Variants in TECRL observed in about 807,000 individuals in gnomAD.
TECRL encodes the protein trans-2,3-enoyl-CoA reductase-like.
A neutral mutation model predicts 52.8 loss-of-function variants in TECRL; 63 were observed. That is an observed-to-expected ratio of 1.19 (90% confidence interval 0.97 to 1.47). The LOEUF (loss-of-function observed/expected upper bound fraction) is 1.47. Ranked by LOEUF, TECRL falls within the 40% of genes most tolerant of loss-of-function variation. TECRL has a pLI of 0.00. For synonymous variants in TECRL, 164 were observed against 141.9 expected (o/e 1.16, Z -1.10); for missense variants, 482 against 429.6 (o/e 1.12, Z -1.08).
intron 4 of TECRL, among the ~76,000 whole-genome samples, chr4:64,319,420 A>G (rs561595211): frequency 1.4e-4 from 21 of 152,014 alleles, no homozygotes; most frequent in Non-Finnish European, 4.4e-5. Context: ...TGAAAGTAAA[A>G]GCATAATCTT....
intron 2 of TECRL, among the ~76,000 whole-genome samples, chr4:64,370,299 G>A (rs548167122): frequency 2.1e-4 from 32 of 151,794 alleles, no homozygotes; most frequent in African/African-American, 7.0e-4. Flanking sequence ...AAACTTTGTA[G>A]GTTTTAGAAA....
At chr4:64,349,833 A>G (rs1277050625) in intron 2 of TECRL, among the ~76,000 whole-genome samples, 2 of 152,206 alleles carry the variant, frequency 1.3e-5, no homozygotes, top group African/African-American at 2.4e-5. Context: ...ACTATACATC[A>G]AAAATAATAA....
intron 1 of TECRL, among the ~76,000 whole-genome samples, chr4:64,391,000 G>T (rs1723511575): frequency 6.6e-6 from 1 of 151,516 alleles, no homozygotes; most frequent in Non-Finnish European, 1.5e-5. Context: ...TGCATCATTG[G>T]CTCACTGTCC....
At chr4:64,374,335 A>G (rs986573787) in intron 2 of TECRL, among the ~76,000 whole-genome samples, 44 of 150,782 alleles carry the variant, frequency 2.9e-4, no homozygotes, top group African/African-American at 1.0e-3. Context: ...ATTTATTTCT[A>G]TATTCTTTTT....
At chr4:64,362,424 G>T (rs1721261028) in intron 2 of TECRL, among the ~76,000 whole-genome samples, 1 of 151,472 alleles carries the variant, frequency 6.6e-6, no homozygotes. Context: ...TCAAGCAAAA[G>T]AAAAAAATAA....
At chr4:64,326,508 A>G (rs376730414) in intron 3 of TECRL, among the ~76,000 whole-genome samples, 4 of 152,064 alleles carry the variant, frequency 2.6e-5, no homozygotes, top group African/African-American at 7.2e-5. Context: ...ATCATTTGCT[A>G]TTTCCAAACC....
chr4:64,388,248 T>G (rs1464593031), intron 1 of TECRL, among the ~76,000 whole-genome samples: 1 of 149,446 alleles, frequency 6.7e-6, no homozygotes, highest in Non-Finnish European at 1.5e-5. Flanking sequence ...TGTGGATGTC[T>G]AGTTGCTCCA....
chr4:64,402,603 G>A (rs188448545), intron 1 of TECRL, among the ~76,000 whole-genome samples: 79 of 152,016 alleles, frequency 5.2e-4, no homozygotes, highest in African/African-American at 1.6e-3. Context: ...AGATTGTGAC[G>A]GAACACACTT....
intron 4 of TECRL, among the ~76,000 whole-genome samples, chr4:64,317,218 C>T (rs1717562567): frequency 6.6e-6 from 1 of 151,894 alleles, no homozygotes; most frequent in African/African-American, 2.4e-5. Flanking sequence ...GCGGAGCTTG[C>T]AGTGAGCCAA....
At position 64,278,751 on chromosome 4, in the gene TECRL, T is replaced by A. The variant is rs1220008327; in HGVS notation, c.*1321A>T. ...CTTTGTATCCTTTAACAAATCTCTC[T>A]CTAGTCTCCCTTTGCTGCAGCTTTC... On this transcript the variant is annotated 3_prime_UTR_variant, in exon 12 of 12. Transcript: ENST00000381210. The A allele has an allele frequency of 6.6e-6, 1 of 152,198 alleles. No individual in the cohort carries two copies. Among genetic ancestry groups the A allele is most frequent in the Non-Finnish European group, 1.5e-5 (1 of 68,028 alleles). The allele number at this position is 152,198 out of a possible 1,614,324, so 9.4% of individuals were successfully genotyped here.
rs77102922 is a variant in TECRL, at chr4:64,322,453, T to TAA, written c.435+234_435+235dup. Among the ~76,000 whole-genome samples, 739 of 114,572 alleles carry TAA rather than the reference T, an allele frequency of 6.5e-3. 7 individuals are homozygous for TAA. The highest frequency in any genetic ancestry group is 0.022 in the African/African-American group (685 of 30,892). The allele number at this position is 114,572 out of a possible 152,430, so 75.2% of individuals were successfully genotyped here. A position where few individuals can be genotyped will look rare whatever the true frequency, so the allele number is the denominator to read the frequency against. On this transcript the variant is annotated intron_variant, in intron 4 of 11. Coordinates refer to ENST00000381210, the MANE Select transcript of TECRL (RefSeq NM_001010874.5). The stretch of plus-strand genomic sequence containing the variant: ...TCCCAGTAATAGAGTGGGTTGACTT[T>TAA]AAAAAAAAAAAAAAAAAAAAAAGGA...
chr4:64,407,918 T>C (rs532420167), intron 1 of TECRL, among the ~76,000 whole-genome samples: 2 of 151,334 alleles, frequency 1.3e-5, no homozygotes, highest in Non-Finnish European at 3.0e-5. Flanking sequence ...GAAATAAATA[T>C]ATCAAAATTC....
rs555012089 is a variant in TECRL at position 64,352,007 on chromosome 4, G to T, written c.286+23165C>A. On this transcript the variant is annotated intron_variant, in intron 2 of 11. Coordinates refer to ENST00000381210, the MANE Select transcript of TECRL (RefSeq NM_001010874.5). ...ATCAAGGCCTACCTAGCCCTGAAAA[G>T]AAAAATTGAACTAATATTGATTGCC... is the stretch of plus-strand genomic sequence containing the variant. 5.6e-3 allele frequency among the ~76,000 whole-genome samples: 851 copies of T among 150,886 alleles called. 8 individuals are homozygous for T. The highest frequency in any genetic ancestry group is 8.3e-3 in the Non-Finnish European group (560 of 67,642).
chr4:64,293,596 A>G (rs1345189525), intron 8 of TECRL, among the ~76,000 whole-genome samples: 2 of 152,114 alleles, frequency 1.3e-5, no homozygotes, highest in Non-Finnish European at 2.9e-5. Flanking sequence ...ACCAATTACC[A>G]ATGACTAAAG....
At chr4:64,291,883 T>C (rs1723410489) in intron 8 of TECRL, among the ~76,000 whole-genome samples, 1 of 151,966 alleles carries the variant, frequency 6.6e-6, no homozygotes, top group South Asian at 2.1e-4. Context: ...ACTGATGAAA[T>C]GCTTACATGG....
chr4:64,277,383 ATATGATTTAC>A (rs1424106213), downstream of TECRL, among the ~76,000 whole-genome samples: 1 of 151,964 alleles, frequency 6.6e-6, no homozygotes, highest in Non-Finnish European at 1.5e-5. Context: ...CATTAGGTAT[ATATGATTTAC>A]TGCATTGACA....
At chr4:64,364,737 A>C (rs1310103117) in intron 2 of TECRL, among the ~76,000 whole-genome samples, 1 of 152,088 alleles carries the variant, frequency 6.6e-6, no homozygotes, top group Non-Finnish European at 1.5e-5. Context: ...CAGACCAATA[A>C]TAAAATCCAA....
At position 64,356,553 on chromosome 4, in the gene TECRL, C is replaced by A. The variant is rs148198736; in HGVS notation, c.286+18619G>T. Among the ~76,000 whole-genome samples, 574 of 152,308 alleles carry A rather than the reference C, an allele frequency of 3.8e-3. 3 individuals are homozygous for A. The highest frequency in any genetic ancestry group is 0.013 in the African/African-American group (544 of 41,576). On this transcript the variant is annotated intron_variant, in intron 2 of 11. Transcript: ENST00000381210. ...GAGAAACATGAATCTGGCCTACATG[C>A]ATATCCAGGCATAGTACCTCCCCTT...
chr4:64,356,992 T>A (rs1262364377), intron 2 of TECRL, among the ~76,000 whole-genome samples: 3 of 152,288 alleles, frequency 2.0e-5, no homozygotes, highest in African/African-American at 7.2e-5. Flanking sequence ...GTAAATATTT[T>A]AATTATATGT....
Sources: gnomAD v4.1 joint callset for allele counts (sites outside exome capture counted in the v4.1 genomes callset) on GRCh38, gnomAD v4.1.1 for gene constraint, MANE v1.5 for transcripts, NCBI Gene and HGNC (gene_info 2026-07-23, HGNC 2026-07-21) for gene names.